CDH13: variants seen among roughly 807,000 people sequenced by gnomAD.
CDH13 encodes cadherin-13.
CDH13 carries 24 observed loss-of-function variants against 63.8 expected under a neutral mutation model. The observed-to-expected ratio is 0.38, with a 90% CI of 0.27 to 0.53. CDH13 has a LOEUF of 0.53. CDH13 is among the 20% of genes least tolerant of loss of function. The pLI is 0.85. For synonymous variants in CDH13, 503 were observed against 355.3 expected (o/e 1.42, Z -4.67); for missense variants, 1,049 against 903.1 (o/e 1.16, Z -2.07).
intron 2 of CDH13, among the ~76,000 whole-genome samples, chr16:83,004,212 G>A (rs541217611): frequency 6.6e-6 from 1 of 152,216 alleles, no homozygotes; most frequent in South Asian, 2.1e-4. Context: ...CCCTTGCAGC[G>A]GGTTTTGTAG....
chr16:83,757,541 G>T (rs1007481509), intron 11 of CDH13, among the ~76,000 whole-genome samples: 1 of 152,102 alleles, frequency 6.6e-6, no homozygotes, highest in Admixed American at 6.5e-5. Context: ...TCGCACCACT[G>T]CATCCCAGCC....
At chr16:83,760,643 A>G (rs760598091) in intron 11 of CDH13, among the ~76,000 whole-genome samples, 4 of 152,232 alleles carry the variant, frequency 2.6e-5, no homozygotes, top group Admixed American at 1.3e-4. Context: ...GGCGAAATTA[A>G]TCCTAGCCAG....
intron 4 of CDH13, among the ~76,000 whole-genome samples, chr16:83,130,279 G>A (rs1488801067): frequency 3.3e-5 from 5 of 152,184 alleles, no homozygotes; most frequent in Non-Finnish European, 7.3e-5. Context: ...ATGAGACTCA[G>A]GGGTGACGTA....
chr16:82,812,647 C>G (rs2037505447), intron 1 of CDH13, among the ~76,000 whole-genome samples: 1 of 151,870 alleles, frequency 6.6e-6, no homozygotes, highest in East Asian at 1.9e-4. Context: ...GTGGAGGAAA[C>G]CAGATGGGAG....
At chr16:83,636,770 C>G (rs1340996411) in intron 8 of CDH13, among the ~76,000 whole-genome samples, 1 of 152,156 alleles carries the variant, frequency 6.6e-6, no homozygotes, top group African/African-American at 2.4e-5. Flanking sequence ...CTTTGAGTAT[C>G]TACTCAGTGA....
intron 12 of CDH13, among the ~76,000 whole-genome samples, chr16:83,781,403 T>C (rs1318607510): frequency 1.3e-5 from 2 of 152,262 alleles, no homozygotes; most frequent in African/African-American, 4.8e-5. Flanking sequence ...GGGTTCCCAC[T>C]TCTTATGTCA....
chr16:83,165,820 T>C (rs79711302), intron 4 of CDH13, among the ~76,000 whole-genome samples: 6,390 of 152,156 alleles, frequency 0.042, 203 homozygotes, highest in East Asian at 0.1. Context: ...TAGGTCACCT[T>C]ACCTCTCCTT....
chr16:83,443,815 G>T (rs189137984), intron 6 of CDH13, among the ~76,000 whole-genome samples: 2 of 143,558 alleles, frequency 1.4e-5, no homozygotes, highest in African/African-American at 2.5e-5. Flanking sequence ...TGTGCCTGTA[G>T]TCCCAGCTAC....
At chr16:83,597,686 A>T (rs1833968) in intron 7 of CDH13, among the ~76,000 whole-genome samples, 3 of 151,958 alleles carry the variant, frequency 2.0e-5, no homozygotes, top group African/African-American at 7.3e-5. Context: ...AAACCTCATC[A>T]CAAACTTTGC....
chr16:82,961,572 T>TTAA (rs774564311), intron 2 of CDH13, among the ~76,000 whole-genome samples: 3 of 103,404 alleles, frequency 2.9e-5, no homozygotes, highest in African/African-American at 1.2e-4. Flanking sequence ...GCAGGGGACT[T>TTAA]AAAAAAAAAA....
At chr16:82,850,505 C>G (rs1024580234) in intron 1 of CDH13, among the ~76,000 whole-genome samples, 14 of 152,142 alleles carry the variant, frequency 9.2e-5, no homozygotes, top group African/African-American at 3.4e-4. Context: ...ATGCTGTAAA[C>G]ATTGTTGAAA....
At chr16:82,671,348 C>T (rs16958095) in intron 1 of CDH13, among the ~76,000 whole-genome samples, 4 of 152,022 alleles carry the variant, frequency 2.6e-5, no homozygotes, top group Admixed American at 6.6e-5. Context: ...TACACTGTTA[C>T]GAGGTGGCAG....
At chr16:82,799,211 A>G (rs191371109) in intron 1 of CDH13, among the ~76,000 whole-genome samples, 5 of 152,340 alleles carry the variant, frequency 3.3e-5, no homozygotes, top group Admixed American at 3.3e-4. Flanking sequence ...TAGTGATCAA[A>G]GAAAAGTCTA....
intron 11 of CDH13, among the ~76,000 whole-genome samples, chr16:83,757,418 A>C (rs1289211551): frequency 2.0e-5 from 3 of 152,086 alleles, no homozygotes; most frequent in African/African-American, 7.2e-5. Flanking sequence ...TCTCTACCAA[A>C]CGTACAAAGA....
At chr16:82,891,593 G>C (rs1238224408) in intron 2 of CDH13, among the ~76,000 whole-genome samples, 1 of 152,108 alleles carries the variant, frequency 6.6e-6, no homozygotes, top group Non-Finnish European at 1.5e-5. Flanking sequence ...GTTATTTTTG[G>C]ATCAGAAAAT....
intron 5 of CDH13, among the ~76,000 whole-genome samples, chr16:83,287,771 C>T (rs1169409331): frequency 1.3e-5 from 2 of 152,314 alleles, no homozygotes; most frequent in South Asian, 2.1e-4. Context: ...CTCACCTCCT[C>T]CTGGTCCATG....
chr16:83,661,037 T>C (rs1396728496), intron 8 of CDH13, among the ~76,000 whole-genome samples: 1 of 148,584 alleles, frequency 6.7e-6, no homozygotes, highest in Non-Finnish European at 1.5e-5. Flanking sequence ...AAACTCTCTT[T>C]AGCAGCAAAA....
chr16:83,384,294 G>A (rs2091629186), intron 6 of CDH13, among the ~76,000 whole-genome samples: 1 of 152,120 alleles, frequency 6.6e-6, no homozygotes, highest in African/African-American at 2.4e-5. Flanking sequence ...AGCCATCTCT[G>A]CTGACTGCCA....
intron 5 of CDH13, among the ~76,000 whole-genome samples, chr16:83,246,761 C>T (rs2151820585): frequency 6.6e-6 from 1 of 152,304 alleles, no homozygotes; most frequent in African/African-American, 2.4e-5. Flanking sequence ...CTAATCACTT[C>T]CTTGCTGAAA....
Sources: allele counts gnomAD v4.1 joint callset (sites outside exome capture counted in the v4.1 genomes callset), GRCh38; gene constraint gnomAD v4.1.1; transcripts MANE v1.5; gene names NCBI Gene and HGNC (gene_info 2026-07-23, HGNC 2026-07-21).